The following RCOR1 variants were observed in gnomAD, a reference collection of about 807,000 sequenced individuals.
RCOR1 encodes REST corepressor.
In RCOR1, 12 loss-of-function variants were observed where a neutral mutation model predicts 64.0. That is an observed-to-expected ratio of 0.19 (90% CI 0.12 to 0.30). The LOEUF is 0.30. RCOR1 is among the 10% of genes least tolerant of loss of function. The probability of loss-of-function intolerance (pLI) is 1.00; values close to 1 mark genes in which losing one functional copy is unlikely to be tolerated. For synonymous variants in RCOR1, 279 were observed against 227.2 expected, an observed-to-expected ratio of 1.23 and a Z score of -2.05; for missense variants, 502 against 621.2, an observed-to-expected ratio of 0.81 and a Z score of 2.04.
At chr14:102,683,535 T>C (rs927098402) in intron 3 of RCOR1, among the ~76,000 whole-genome samples, 34 of 152,342 alleles carry the variant, frequency 2.2e-4, no homozygotes, top group African/African-American at 7.9e-4. Flanking sequence ...TCCCAGACCC[T>C]GGTCAGCCTG....
At chr14:102,603,609 T>A (rs1893446150) in intron 2 of RCOR1, among the ~76,000 whole-genome samples, 3 of 151,964 alleles carry the variant, frequency 2.0e-5, no homozygotes, top group Admixed American at 2.0e-4. Context: ...TGTGAATGTA[T>A]CTTTCTTTTG....
chr14:102,631,586 C>G (rs1243997459), intron 2 of RCOR1, among the ~76,000 whole-genome samples: 3 of 152,078 alleles, frequency 2.0e-5, no homozygotes, highest in Non-Finnish European at 2.9e-5. Flanking sequence ...CTGTCCTCAC[C>G]TAGTCTGGAC....
intron 2 of RCOR1, among the ~76,000 whole-genome samples, chr14:102,603,361 G>A (rs117405385): frequency 1.3e-5 from 2 of 152,138 alleles, no homozygotes; most frequent in Admixed American, 1.3e-4. Flanking sequence ...GTCTGGCTCT[G>A]TCATCCAGGC....
At chr14:102,651,133 G>A (rs778455929) in intron 2 of RCOR1, 7 of 948,120 alleles carry the variant, frequency 7.4e-6, no homozygotes, top group East Asian at 1.2e-4. Flanking sequence ...CAGCTCGGTC[G>A]GGGAGACCCT....
chr14:102,645,771 G>T (rs1451009475), intron 2 of RCOR1, among the ~76,000 whole-genome samples: 2 of 152,176 alleles, frequency 1.3e-5, no homozygotes, highest in African/African-American at 2.4e-5. Flanking sequence ...GCTTGATTGG[G>T]CAATTGTGGC....
chr14:102,653,328 C>G (rs1386999295), intron 2 of RCOR1, among the ~76,000 whole-genome samples: 1 of 152,180 alleles, frequency 6.6e-6, no homozygotes, highest in Middle Eastern at 3.2e-3. Context: ...AATCGATCCT[C>G]CCACCTCAGC....
intron 2 of RCOR1, among the ~76,000 whole-genome samples, chr14:102,647,654 A>G (rs1303424228): frequency 1.3e-5 from 2 of 152,114 alleles, no homozygotes; most frequent in Non-Finnish European, 2.9e-5. Context: ...TAGTATGAAC[A>G]TAAAGACATC....
rs1893808881 is a variant in RCOR1, at chr14:102,618,509, G to C, written c.361+25184G>C. ...TATAGTCTCAGCTACTCTGGAGGAT[G>C]AGGTGAGAGGATCGCTTGAGCCCAG... On this transcript the variant is annotated intron_variant, in intron 2 of 11. Coordinates refer to ENST00000262241, the MANE Select transcript of RCOR1 (RefSeq NM_015156.4). Among the ~76,000 whole-genome samples, 3 of 152,106 alleles carry C rather than the reference G, an allele frequency of 2.0e-5. No homozygotes were observed. In the South Asian group the frequency reaches 6.2e-4, roughly 32 times the overall value.
Position 102,692,804 on chromosome 14 carries a change from C to T in RCOR1, c.446-8474C>T, listed in dbSNP as rs145963880. ...TTTTTTTGAGACAGTCTTGCTCTGT[C>T]GCACAGGCTGGAGTGCATTGGCACA... On this transcript the variant is annotated intron_variant, in intron 3 of 11. Transcript: ENST00000262241. Among the ~76,000 whole-genome samples the T allele has an allele frequency of 7.4e-5, 10 of 134,536 alleles. No homozygotes were observed. The East Asian group carries it at 8.8e-4, about 12-fold the overall frequency. The allele number at this position is 134,536 out of a possible 152,430, so 88.3% of individuals were successfully genotyped here. A position where few individuals can be genotyped will look rare whatever the true frequency, so the allele number is the denominator to read the frequency against.
At chr14:102,593,549 G>C (rs1893179160) in intron 2 of RCOR1, among the ~76,000 whole-genome samples, 1 of 152,236 alleles carries the variant, frequency 6.6e-6, no homozygotes, top group Non-Finnish European at 1.5e-5. Context: ...CAGCAGGGCC[G>C]GCGCCGCTGC....
chr14:102,623,518 C>G (rs950156392), intron 2 of RCOR1, among the ~76,000 whole-genome samples: 1 of 151,638 alleles, frequency 6.6e-6, no homozygotes, highest in Non-Finnish European at 1.5e-5. Context: ...ACGCCATTCT[C>G]CTGCCTCAGC....
chr14:102,655,784 C>T (rs1894709512), intron 2 of RCOR1, among the ~76,000 whole-genome samples: 1 of 152,096 alleles, frequency 6.6e-6, no homozygotes, highest in Admixed American at 6.6e-5. Context: ...GAAACCCCGT[C>T]TCTACTAAAA....
chr14:102,725,503 C>T (rs1050056220), intron 11 of RCOR1, among the ~76,000 whole-genome samples: 1 of 152,208 alleles, frequency 6.6e-6, no homozygotes, highest in Non-Finnish European at 1.5e-5. Flanking sequence ...GGCTGGGTGC[C>T]ACAGCATGCC....
At chr14:102,611,064 G>GT (rs1274628896) in intron 2 of RCOR1, among the ~76,000 whole-genome samples, 1 of 151,996 alleles carries the variant, frequency 6.6e-6, no homozygotes, top group African/African-American at 2.4e-5. Flanking sequence ...GGAGAGCTTA[G>GT]TTTTTTGTTT....
chr14:102,673,862 G>A (rs919243056), intron 2 of RCOR1, among the ~76,000 whole-genome samples: 4 of 152,142 alleles, frequency 2.6e-5, no homozygotes, highest in South Asian at 4.1e-4. Context: ...TGATCCGCCC[G>A]CCGCCGCCTC....
intron 2 of RCOR1, among the ~76,000 whole-genome samples, chr14:102,677,449 C>T (rs1895206223): frequency 5.4e-5 from 7 of 130,148 alleles, no homozygotes; most frequent in African/African-American, 1.2e-4. Context: ...TCAGACGGGG[C>T]GGTTGCCAGG....
At chr14:102,721,565 T>A in intron 10 of RCOR1, 188 bp downstream of exon 10, 3 of 398,706 alleles carry the variant, frequency 7.5e-6, no homozygotes, top group South Asian at 8.5e-5. Context: ...AAAAAAAAAT[T>A]TTTTTTTTAA....
intron 2 of RCOR1, among the ~76,000 whole-genome samples, chr14:102,634,522 C>A (rs1023396114): frequency 1.3e-5 from 2 of 151,886 alleles, no homozygotes; most frequent in African/African-American, 4.8e-5. Flanking sequence ...CAGAAGGTTC[C>A]CACTAACATT....
chr14:102,635,429 A>C (rs1289345586), intron 2 of RCOR1, among the ~76,000 whole-genome samples: 1 of 152,088 alleles, frequency 6.6e-6, no homozygotes, highest in Non-Finnish European at 1.5e-5. Context: ...GCTTGAACCC[A>C]GGAGGCGGAG....
Sources: gnomAD v4.1 joint callset for allele counts (sites outside exome capture counted in the v4.1 genomes callset) on GRCh38, gnomAD v4.1.1 for gene constraint, MANE v1.5 for transcripts, NCBI Gene and HGNC (gene_info 2026-07-23, HGNC 2026-07-21) for gene names.